Variants in SV2C observed in about 807,000 individuals in gnomAD.
SV2C encodes the protein solute carrier family 22 member B3.
SV2C carries 49 observed loss-of-function variants against 79.7 expected under a neutral mutation model. The observed-to-expected ratio is 0.61, with a 90% CI of 0.49 to 0.78. The LOEUF (loss-of-function observed/expected upper bound fraction) is 0.78, where lower values mean the gene tolerates loss of function less well. Among genes scored for constraint, SV2C ranks in the 30% least tolerant of loss-of-function variants. The pLI, the probability that SV2C is intolerant of heterozygous loss-of-function variation, is 0.00. For missense variants in SV2C, 833 were observed against 912.9 expected (o/e 0.91, Z 1.13); for synonymous variants, 334 against 333.2 (o/e 1.00, Z -0.03).
At chr5:76,276,187 G>C (rs2112481253) in intron 4 of SV2C, among the ~76,000 whole-genome samples, 1 of 152,296 alleles carries the variant, frequency 6.6e-6, no homozygotes, top group South Asian at 2.1e-4. Context: ...CCTGAGAATT[G>C]ATGGCTGAGT....
chr5:75,957,051 G>A, the SV2C span, among the ~76,000 whole-genome samples: 8 of 151,848 alleles, frequency 5.3e-5, no homozygotes, highest in Non-Finnish European at 1.0e-4. Context: ...AACACACTCC[G>A]TCATTTCCTC....
chr5:76,007,668 G>C, the SV2C span, among the ~76,000 whole-genome samples: 2 of 152,088 alleles, frequency 1.3e-5, no homozygotes, highest in Non-Finnish European at 2.9e-5. Context: ...AATATTTATA[G>C]AGCAACTACT....
the SV2C span, chr5:75,911,867 T>A: frequency 1.9e-6 from 1 of 531,494 alleles, no homozygotes; most frequent in Non-Finnish European, 3.8e-6. Flanking sequence ...AATGCACAAC[T>A]CTGAAGAGAA....
intron 1 of SV2C, among the ~76,000 whole-genome samples, chr5:76,104,710 C>G (rs1256246027): frequency 6.6e-6 from 1 of 152,174 alleles, no homozygotes; most frequent in Admixed American, 6.5e-5. Context: ...ACTCTGCAGA[C>G]TATATTCCTG....
At position 76,332,197 on chromosome 5, in the gene SV2C, C is replaced by T. The variant is rs1481910240; in HGVS notation, c.*6650C>T. 6.6e-6 allele frequency: 1 copy of T among 152,144 alleles called. No individual in the cohort carries two copies. Among genetic ancestry groups the T allele is most frequent in the Admixed American group, 6.5e-5 (1 of 15,272 alleles). The allele number at this position is 152,144 out of a possible 1,614,324, so 9.4% of individuals were successfully genotyped here. On this transcript the variant is annotated 3_prime_UTR_variant, in exon 13 of 13. Coordinates refer to ENST00000502798, the MANE Select transcript of SV2C (RefSeq NM_014979.4). ...ATGCTCCCCTTAGATCCAAGAGTGCCCAGGACTAGGAGCAGAAAGCAGTTT... is the reference window on the plus strand; with the variant it reads ...ATGCTCCCCTTAGATCCAAGAGTGCTCAGGACTAGGAGCAGAAAGCAGTTT...
chr5:75,929,029 A>T, the SV2C span, among the ~76,000 whole-genome samples: 1 of 152,100 alleles, frequency 6.6e-6, no homozygotes, highest in East Asian at 1.9e-4. Flanking sequence ...GCCATTTTGC[A>T]CTCATTATGG....
chr5:76,083,768 G>A (rs1268501042), intron 1 of SV2C, among the ~76,000 whole-genome samples: 2 of 152,198 alleles, frequency 1.3e-5, no homozygotes, highest in Non-Finnish European at 2.9e-5. Context: ...GTAGGTCTGG[G>A]GACTGGGTCG....
rs554073935 is a variant in SV2C at position 76,213,370 on chromosome 5, G to C, written c.913+3483G>C. Among the ~76,000 whole-genome samples the C allele has an allele frequency of 6.5e-4, 99 of 152,266 alleles. 3 individuals are homozygous for C. The South Asian group carries it at 0.02, about 31-fold the overall frequency. On this transcript the variant is annotated intron_variant, in intron 4 of 12. Coordinates refer to ENST00000502798, the MANE Select transcript of SV2C (RefSeq NM_014979.4). ...CTAATGACATTCTATATCTTGAGCTGGGTGGAGGTTTTTAATGAATTTTTG... is the reference window on the plus strand; with the variant it reads ...CTAATGACATTCTATATCTTGAGCTCGGTGGAGGTTTTTAATGAATTTTTG...
At chr5:76,048,971 G>GAAAGAAAGAAAGAAAGAAAGA in the SV2C span, among the ~76,000 whole-genome samples, 1 of 63,290 alleles carries the variant, frequency 1.6e-5, no homozygotes, top group Non-Finnish European at 3.1e-5. Context: ...AAAAGAGAAA[G>GAAAGAAAGAAAGAAAGAAAGA]AAAGAAAGAA....
Position 76,328,727 on chromosome 5 carries a change from A to G in SV2C, c.*3180A>G, listed in dbSNP as rs1033545583. 1 of 152,140 alleles carries G rather than the reference A, an allele frequency of 6.6e-6. No homozygotes were observed. The highest frequency in any genetic ancestry group is 1.5e-5 in the Non-Finnish European group (1 of 68,030). 9.4% of individuals were successfully genotyped at this position (152,140 alleles called of 1,614,324 possible). On this transcript the variant is annotated 3_prime_UTR_variant, in exon 13 of 13. Coordinates refer to ENST00000502798, the MANE Select transcript of SV2C (RefSeq NM_014979.4). ...CTCTCCAGCATTGTAGAAGACAGTAATGAAAATAGCTTCATCTTATCTGCC... is the reference window on the plus strand; with the variant it reads ...CTCTCCAGCATTGTAGAAGACAGTAGTGAAAATAGCTTCATCTTATCTGCC...
chr5:75,921,227 G>A, the SV2C span: 1 of 1,231,304 alleles, frequency 8.1e-7, no homozygotes, highest in Non-Finnish European at 1.2e-6. Context: ...GTGGTCAGTG[G>A]GACACTTCCC....
chr5:76,313,572 G>A (rs754545449), intron 12 of SV2C, among the ~76,000 whole-genome samples: 114 of 152,234 alleles, frequency 7.5e-4, no homozygotes, highest in Admixed American at 1.6e-3. Flanking sequence ...AGTCCATCTC[G>A]CTGTCCTTGG....
chr5:76,247,019 G>T (rs938447354), intron 4 of SV2C, among the ~76,000 whole-genome samples: 2 of 152,150 alleles, frequency 1.3e-5, no homozygotes, highest in African/African-American at 2.4e-5. Flanking sequence ...AAATGATTAG[G>T]AATGATATAT....
the SV2C span, among the ~76,000 whole-genome samples, chr5:75,874,617 T>G: frequency 6.6e-6 from 1 of 152,032 alleles, no homozygotes; most frequent in Non-Finnish European, 1.5e-5. Flanking sequence ...AGTCAAACAA[T>G]CTCTGTTTGC....
chr5:75,898,234 A>G, the SV2C span, among the ~76,000 whole-genome samples: 1 of 152,156 alleles, frequency 6.6e-6, no homozygotes, highest in African/African-American at 2.4e-5. Flanking sequence ...TTATTTTGAG[A>G]TACGTCCCAT....
chr5:76,093,329 CAG>C (rs1034400468), intron 1 of SV2C, among the ~76,000 whole-genome samples: 20 of 152,128 alleles, frequency 1.3e-4, no homozygotes, highest in African/African-American at 4.6e-4. Context: ...AGCTGCTTGG[CAG>C]AGTCTTGCTT....
At chr5:75,992,755 CAAG>C in the SV2C span, among the ~76,000 whole-genome samples, 1 of 80,416 alleles carries the variant, frequency 1.2e-5, no homozygotes, top group Non-Finnish European at 2.4e-5. Context: ...AGAAAATAAA[CAAG>C]AAGTGATAAT....
chr5:76,036,749 C>T, the SV2C span, among the ~76,000 whole-genome samples: 1 of 152,094 alleles, frequency 6.6e-6, no homozygotes, highest in Non-Finnish European at 1.5e-5. Flanking sequence ...CGAGGAGTAT[C>T]TTTGTGGCAT....
intron 4 of SV2C, among the ~76,000 whole-genome samples, chr5:76,277,392 C>T (rs1485806684): frequency 6.6e-6 from 1 of 152,220 alleles, no homozygotes; most frequent in Non-Finnish European, 1.5e-5. Flanking sequence ...TATATTTACA[C>T]AACGGAATAC....
Sources: allele counts gnomAD v4.1 joint callset (sites outside exome capture counted in the v4.1 genomes callset), GRCh38; gene constraint gnomAD v4.1.1; transcripts MANE v1.5; gene names NCBI Gene and HGNC (gene_info 2026-07-23, HGNC 2026-07-21).